Variants in TOM1L2 observed in about 807,000 individuals in gnomAD.
TOM1L2 encodes the protein TOM1-like protein 2.
Under a neutral mutation model 67.9 loss-of-function variants are expected in TOM1L2, and 31 were observed. The observed-to-expected ratio is 0.46, with a 90% CI of 0.34 to 0.62. TOM1L2 has a LOEUF of 0.62. Ranked by LOEUF, TOM1L2 falls within the 20% of genes least tolerant of loss-of-function variation. The pLI is 0.01. For synonymous variants in TOM1L2, 256 were observed against 254.0 expected, an observed-to-expected ratio of 1.01 and a Z score of -0.07; for missense variants, 606 against 663.5, an observed-to-expected ratio of 0.91 and a Z score of 0.95.
chr17:17,960,713 T>A (rs1341871996), intron 1 of TOM1L2, among the ~76,000 whole-genome samples: 1 of 151,866 alleles, frequency 6.6e-6, no homozygotes, highest in Middle Eastern at 3.2e-3. Context: ...ACAGTGAGAG[T>A]CTGTCTCCAA....
chr17:17,915,787 A>G (rs9913724), intron 1 of TOM1L2, among the ~76,000 whole-genome samples: 74,838 of 151,104 alleles, frequency 0.5, 19,645 homozygotes, highest in East Asian at 0.86. Context: ...CCCCCAAAGT[A>G]CTAGGATCAC....
In TOM1L2 at chr17:17,847,510, G is replaced by T; in HGVS notation, c.*125C>A. The T allele has an allele frequency of 1.5e-6, 2 of 1,298,168 alleles. No homozygotes were observed. The highest frequency in any genetic ancestry group is 2.1e-6 in the Non-Finnish European group (2 of 958,938). 80.4% of individuals were successfully genotyped at this position (1,298,168 alleles called of 1,614,324 possible). ...TGGGAGGCCTGGGAGCAGACACGGT[G>T]GCATTTCCATGGAAACACAGGTGTG... is the stretch of plus-strand genomic sequence containing the variant. On this transcript the variant is annotated 3_prime_UTR_variant, in exon 15 of 15. Coordinates refer to ENST00000379504, the MANE Select transcript of TOM1L2 (RefSeq NM_001082968.2).
At chr17:17,956,979 G>A (rs890090222) in intron 1 of TOM1L2, among the ~76,000 whole-genome samples, 2 of 152,232 alleles carry the variant, frequency 1.3e-5, no homozygotes, top group African/African-American at 2.4e-5. Context: ...CGGGGCTGAG[G>A]AGGCGCCTGA....
At chr17:17,963,463 C>T (rs1197696984) in intron 1 of TOM1L2, among the ~76,000 whole-genome samples, 1 of 152,198 alleles carries the variant, frequency 6.6e-6, no homozygotes, top group Non-Finnish European at 1.5e-5. Context: ...CTGGAGAGGA[C>T]CGCTCCGCCT....
intron 13 of TOM1L2, among the ~76,000 whole-genome samples, 183 bp downstream of exon 13, chr17:17,850,710 G>C (rs565475350): frequency 6.6e-6 from 1 of 152,280 alleles, no homozygotes; most frequent in South Asian, 2.1e-4. Flanking sequence ...GGAGGCCACT[G>C]CAGCACCCAC....
rs2040592460 is a variant in TOM1L2 at position 17,938,426 on chromosome 17, A to G, written c.53-30895T>C. 1.3e-5 allele frequency among the ~76,000 whole-genome samples: 2 copies of G among 152,162 alleles called. 1 individual carries two copies. The highest frequency in any genetic ancestry group is 4.1e-4 in the South Asian group (2 of 4,832). On this transcript the variant is annotated intron_variant, in intron 1 of 14. Coordinates refer to ENST00000379504, the MANE Select transcript of TOM1L2 (RefSeq NM_001082968.2). ...CCTGAAGCTGCCTTCTTCACTGGTAACATAAGGCTGACAACAGTCCCGCTC... is the reference window on the plus strand; with the variant it reads ...CCTGAAGCTGCCTTCTTCACTGGTAGCATAAGGCTGACAACAGTCCCGCTC...
At chr17:17,899,487 T>C (rs905168478) in intron 2 of TOM1L2, among the ~76,000 whole-genome samples, 1 of 152,256 alleles carries the variant, frequency 6.6e-6, no homozygotes, top group African/African-American at 2.4e-5. Context: ...TGGAGTGAGT[T>C]CTTCCTTAAT....
intron 1 of TOM1L2, among the ~76,000 whole-genome samples, chr17:17,926,442 G>A (rs2040088052): frequency 1.3e-5 from 2 of 152,112 alleles, no homozygotes; most frequent in Non-Finnish European, 2.9e-5. Flanking sequence ...AAATGTACAC[G>A]TGTTTCACAT....
intron 2 of TOM1L2, among the ~76,000 whole-genome samples, chr17:17,901,916 G>C (rs916483931): frequency 3.9e-5 from 6 of 152,216 alleles, no homozygotes; most frequent in African/African-American, 1.4e-4. Context: ...GGGTGCTCTG[G>C]CTCACGCCTG....
At chr17:17,860,518 T>C (rs1046076112) in intron 12 of TOM1L2, among the ~76,000 whole-genome samples, 1 of 152,232 alleles carries the variant, frequency 6.6e-6, no homozygotes, top group African/African-American at 2.4e-5. Context: ...GCTGCCTGCC[T>C]GGGCCCATTG....
intron 4 of TOM1L2, among the ~76,000 whole-genome samples, chr17:17,885,660 C>T (rs1471133951): frequency 1.3e-5 from 2 of 152,102 alleles, no homozygotes; most frequent in Admixed American, 6.5e-5. Context: ...TGCGGTGGCT[C>T]ATGCCTGTAA....
At position 17,879,680 on chromosome 17, in the gene TOM1L2, A is replaced by G. The variant is rs780385874; in HGVS notation, c.724T>C (p.Leu242=). The G allele has an allele frequency of 1.2e-6, 2 of 1,614,098 alleles. No individual in the cohort carries two copies. The highest frequency in any genetic ancestry group is 4.5e-5 in the East Asian group (2 of 44,894). Residue 242 remains leucine (L), a synonymous_variant, in exon 7 of 15, where the codon TTA becomes CTA. Coordinates refer to ENST00000379504, the MANE Select transcript of TOM1L2 (RefSeq NM_001082968.2). ...TCCTGTCCAGGGACCATTTCTGTTA[A>G]CATCTCAGACATGACTTTTGTGTTT... is the stretch of plus-strand genomic sequence containing the variant. ...RGNTKVMSEM[L]TEMVPGQEDS... is the part of the protein sequence containing the mutation.
rs9900947 is a variant in TOM1L2, at chr17:17,909,077, A to C, written c.53-1546T>G. On this transcript the variant is annotated intron_variant, in intron 1 of 14. Transcript: ENST00000379504. ...GCACCTGTCGTTCCAGCTACTCAGGAGGCTGAGGCAGGAGAATGGCGTAAA... is the reference window on the plus strand; with the variant it reads ...GCACCTGTCGTTCCAGCTACTCAGGCGGCTGAGGCAGGAGAATGGCGTAAA... Among the ~76,000 whole-genome samples, 105 of 152,290 alleles carry C rather than the reference A, an allele frequency of 6.9e-4. 1 individual carries two copies. The highest frequency in any genetic ancestry group is 1.8e-4 in the Non-Finnish European group (12 of 68,034).
At chr17:17,940,891 G>A (rs1303096762) in intron 1 of TOM1L2, among the ~76,000 whole-genome samples, 3 of 152,164 alleles carry the variant, frequency 2.0e-5, no homozygotes, top group African/African-American at 7.2e-5. Flanking sequence ...ACTGTCATTC[G>A]AGCAATGAGG....
At chr17:17,910,657 C>A (rs531043529) in intron 1 of TOM1L2, among the ~76,000 whole-genome samples, 3 of 151,526 alleles carry the variant, frequency 2.0e-5, no homozygotes, top group African/African-American at 7.3e-5. Flanking sequence ...GCAACCTTTA[C>A]CTCCTGGGTT....
Position 17,869,329 on chromosome 17 carries a change from C to G in TOM1L2, c.911+11G>C. Reference sequence around the variant, plus strand: ...AAGGGAAAAAAAAAAAAAAAGAAATCCGGCTCCCACCTCTCGTATCGAAGG... The same window carrying G: ...AAGGGAAAAAAAAAAAAAAAGAAATGCGGCTCCCACCTCTCGTATCGAAGG... On this transcript the variant is annotated intron_variant, in intron 8 of 14. Transcript: ENST00000379504. 3 of 1,596,366 alleles carry G rather than the reference C, an allele frequency of 1.9e-6. No homozygotes were observed. The highest frequency in any genetic ancestry group is 2.6e-6 in the Non-Finnish European group (3 of 1,171,200).
chr17:17,903,470 G>A (rs764820375), intron 2 of TOM1L2, among the ~76,000 whole-genome samples: 5 of 151,920 alleles, frequency 3.3e-5, no homozygotes, highest in South Asian at 2.1e-4. Flanking sequence ...AAAATTAGCT[G>A]GGCGTGGTGG....
chr17:17,869,102 A>T, intron 8 of TOM1L2: 2 of 679,672 alleles, frequency 2.9e-6, no homozygotes, highest in Non-Finnish European at 4.5e-6. Flanking sequence ...CCTGAGGCTT[A>T]CAAAGGGCAG....
At chr17:17,892,280 CA>C (rs2038327997) in intron 4 of TOM1L2, among the ~76,000 whole-genome samples, 1 of 152,154 alleles carries the variant, frequency 6.6e-6, no homozygotes, top group Non-Finnish European at 1.5e-5. Flanking sequence ...CCTGCCCCGG[CA>C]CTCCACTTCC....
Sources: gnomAD v4.1 joint callset for allele counts (sites outside exome capture counted in the v4.1 genomes callset) on GRCh38, gnomAD v4.1.1 for gene constraint, MANE v1.5 for transcripts, NCBI Gene and HGNC (gene_info 2026-07-23, HGNC 2026-07-21) for gene names.